Variants in CDH13 observed in about 807,000 individuals in gnomAD.
CDH13 encodes cadherin 13.
In CDH13, 24 loss-of-function variants were observed where a neutral mutation model predicts 63.8. The observed-to-expected ratio is 0.38, with a 90% CI of 0.27 to 0.53. CDH13 has a LOEUF of 0.53. Ranked by LOEUF, CDH13 falls within the 20% of genes least tolerant of loss-of-function variation. CDH13 has a pLI of 0.85. For missense variants in CDH13, 1,049 were observed against 903.1 expected (o/e 1.16, Z -2.07); for synonymous variants, 503 against 355.3 (o/e 1.42, Z -4.67).
At chr16:82,680,587 A>C (rs1914435824) in intron 1 of CDH13, among the ~76,000 whole-genome samples, 1 of 152,140 alleles carries the variant, frequency 6.6e-6, no homozygotes. Context: ...GTGAGACATA[A>C]ATGGGTTACT....
chr16:83,779,938 G>C, intron 11 of CDH13, 30 bp from the exon 12 acceptor site: 2 of 1,484,290 alleles, frequency 1.3e-6, no homozygotes, highest in Middle Eastern at 1.7e-4. Context: ...TATACCAGTT[G>C]CATACCAACA....
chr16:83,175,747 C>A (rs12933700), intron 4 of CDH13, among the ~76,000 whole-genome samples: 33,899 of 151,542 alleles, frequency 0.22, 4,107 homozygotes, highest in Non-Finnish European at 0.25. Flanking sequence ...GATCTCTATA[C>A]CTTCCTTTAT....
At chr16:82,717,215 C>G (rs1190192906) in intron 1 of CDH13, among the ~76,000 whole-genome samples, 1 of 151,994 alleles carries the variant, frequency 6.6e-6, no homozygotes, top group Non-Finnish European at 1.5e-5. Flanking sequence ...CCCAGAGATG[C>G]ATAAGAGGAT....
At chr16:82,790,327 C>A (rs1391851212) in intron 1 of CDH13, among the ~76,000 whole-genome samples, 1 of 151,982 alleles carries the variant, frequency 6.6e-6, no homozygotes, top group African/African-American at 2.4e-5. Context: ...CCTAACTACT[C>A]AGGAGGTTGA....
chr16:82,883,390 G>C (rs562103415), intron 2 of CDH13, among the ~76,000 whole-genome samples: 1 of 152,336 alleles, frequency 6.6e-6, no homozygotes, highest in South Asian at 2.1e-4. Flanking sequence ...GTGTCTATCA[G>C]AGTCACCTGG....
At chr16:82,814,952 C>A (rs28404586) in intron 1 of CDH13, among the ~76,000 whole-genome samples, 33,449 of 152,060 alleles carry the variant, frequency 0.22, 3,835 homozygotes, top group South Asian at 0.31. Context: ...GGGGAAAAAC[C>A]CACTCATACT....
chr16:82,817,667 T>C (rs1214992439), intron 1 of CDH13, among the ~76,000 whole-genome samples: 1 of 151,988 alleles, frequency 6.6e-6, no homozygotes, highest in Non-Finnish European at 1.5e-5. Flanking sequence ...CAGCCAGGTG[T>C]GGTGGTGCAC....
intron 12 of CDH13, among the ~76,000 whole-genome samples, chr16:83,782,436 C>CA (rs11329605): frequency 6.6e-6 from 1 of 151,066 alleles, no homozygotes; most frequent in Non-Finnish European, 1.5e-5. Flanking sequence ...GAGGATTGAT[C>CA]AAAAAAAACA....
intron 6 of CDH13, among the ~76,000 whole-genome samples, chr16:83,445,391 A>G (rs1414196486): frequency 4.6e-5 from 7 of 151,944 alleles, no homozygotes; most frequent in Non-Finnish European, 7.4e-5. Context: ...GTTTTCCCTA[A>G]AATGAATTTC....
At chr16:83,063,377 A>C (rs934849566) in intron 3 of CDH13, among the ~76,000 whole-genome samples, 1 of 152,318 alleles carries the variant, frequency 6.6e-6, no homozygotes, top group East Asian at 1.9e-4. Context: ...CTGTTCGTCA[A>C]AGCAGCCCAA....
At chr16:83,188,238 A>T (rs1402352715) in intron 4 of CDH13, among the ~76,000 whole-genome samples, 1 of 152,138 alleles carries the variant, frequency 6.6e-6, no homozygotes, top group Non-Finnish European at 1.5e-5. Flanking sequence ...TAGAGTGTGG[A>T]TGGGGCAAGG....
At chr16:83,165,353 A>G (rs2037619945) in intron 4 of CDH13, among the ~76,000 whole-genome samples, 2 of 151,552 alleles carry the variant, frequency 1.3e-5, no homozygotes, top group Non-Finnish European at 2.9e-5. Context: ...GATGATGGAT[A>G]TTCTAAGATT....
intron 3 of CDH13, among the ~76,000 whole-genome samples, chr16:83,072,759 A>G (rs575425194): frequency 1.6e-4 from 24 of 152,268 alleles, no homozygotes; most frequent in African/African-American, 5.5e-4. Context: ...AATTCCCCTA[A>G]GAACACCCCT....
intron 3 of CDH13, among the ~76,000 whole-genome samples, chr16:83,051,046 T>G (rs1378436518): frequency 6.6e-6 from 1 of 152,226 alleles, no homozygotes; most frequent in Non-Finnish European, 1.5e-5. Flanking sequence ...AGGGCCACTT[T>G]CTTTTAAGTT....
At chr16:83,384,638 C>T (rs2091636859) in intron 6 of CDH13, among the ~76,000 whole-genome samples, 1 of 152,180 alleles carries the variant, frequency 6.6e-6, no homozygotes, top group Non-Finnish European at 1.5e-5. Flanking sequence ...GCATGTGGGT[C>T]AGCAGCATGG....
intron 1 of CDH13, among the ~76,000 whole-genome samples, chr16:82,721,333 G>A (rs1446543359): frequency 6.6e-6 from 1 of 152,080 alleles, no homozygotes; most frequent in Non-Finnish European, 1.5e-5. Context: ...TACAGATGAA[G>A]GAACATCAAT....
At chr16:82,954,628 GA>G (rs1383240771) in intron 2 of CDH13, 1 of 151,934 alleles carries the variant, frequency 6.6e-6, no homozygotes, top group Non-Finnish European at 1.5e-5. Flanking sequence ...GCTTTATTGA[GA>G]TATAATTCAC....
In CDH13 at chr16:82,861,336, G is replaced by A. The variant is rs186553447; in HGVS notation, c.157+2863G>A. ...AATCATTGTGAACTTTTGTGTTGCA[G>A]GGGGTGTAAACACAGCATAATCAAT... On this transcript the variant is annotated intron_variant, in intron 2 of 13. Transcript: ENST00000567109. Among the ~76,000 whole-genome samples the A allele has an allele frequency of 9.2e-5, 14 of 152,254 alleles. No homozygotes were observed. In the East Asian group the frequency reaches 2.1e-3, roughly 23 times the overall value.
intron 7 of CDH13, among the ~76,000 whole-genome samples, chr16:83,529,402 T>C (rs1171354504): frequency 1.3e-5 from 2 of 152,236 alleles, no homozygotes; most frequent in African/African-American, 2.4e-5. Context: ...TGTTGAAGCA[T>C]TGTTTTTTGT....
Sources: gnomAD v4.1 joint callset for allele counts (sites outside exome capture counted in the v4.1 genomes callset) on GRCh38, gnomAD v4.1.1 for gene constraint, MANE v1.5 for transcripts, NCBI Gene and HGNC (gene_info 2026-07-23, HGNC 2026-07-21) for gene names.